The following NFE2L2 variants were observed in gnomAD, a reference collection of about 807,000 sequenced individuals.
The protein encoded by NFE2L2 is nuclear factor erythroid 2-related factor 2.
In NFE2L2, 20 loss-of-function variants were observed where a neutral mutation model predicts 49.6. The observed-to-expected ratio is 0.40, with a 90% confidence interval of 0.28 to 0.59. NFE2L2 has a LOEUF of 0.59. Ranked by LOEUF, NFE2L2 falls within the 20% of genes least tolerant of loss-of-function variation. The pLI, the probability that NFE2L2 is intolerant of heterozygous loss-of-function variation, is 0.40. For missense variants in NFE2L2, 578 were observed against 714.2 expected (o/e 0.81, Z 2.17); for synonymous variants, 244 against 256.5 (o/e 0.95, Z 0.47).
At chr2:177,245,824 G>A (rs1443928496) in intron 1 of NFE2L2, among the ~76,000 whole-genome samples, 2 of 152,086 alleles carry the variant, frequency 1.3e-5, no homozygotes, top group Admixed American at 1.3e-4. Flanking sequence ...TGGCCAAGCT[G>A]GTCTCGAACT....
chr2:177,246,110 C>T (rs1690116805), intron 1 of NFE2L2, among the ~76,000 whole-genome samples: 1 of 152,184 alleles, frequency 6.6e-6, no homozygotes, highest in Admixed American at 6.5e-5. Flanking sequence ...GTGCCTTCTC[C>T]CAAGGCAGGA....
chr2:177,239,949 TAAAAAAAAA>T (rs57941264), intron 1 of NFE2L2, among the ~76,000 whole-genome samples: 2 of 135,428 alleles, frequency 1.5e-5, no homozygotes, highest in Non-Finnish European at 1.6e-5. Flanking sequence ...AGCTTTATGT[TAAAAAAAAA>T]AAAAAAAAAA....
chr2:177,241,989 C>T (rs770675919), intron 1 of NFE2L2, among the ~76,000 whole-genome samples: 2 of 152,220 alleles, frequency 1.3e-5, no homozygotes, highest in Non-Finnish European at 2.9e-5. Flanking sequence ...AATTACATTT[C>T]ATAGATATGT....
At chr2:177,258,691 G>A (rs1187699485) in intron 1 of NFE2L2, among the ~76,000 whole-genome samples, 1 of 152,062 alleles carries the variant, frequency 6.6e-6, no homozygotes, top group Non-Finnish European at 1.5e-5. Context: ...AGTAAGACAA[G>A]TATCAACAGA....
At chr2:177,264,430 G>A in intron 1 of NFE2L2, 102 bp downstream of exon 1, 2 of 1,266,208 alleles carry the variant, frequency 1.6e-6, no homozygotes, top group South Asian at 2.8e-5. Context: ...CTGGCCAGAC[G>A]TGGGGGAAGC....
Position 177,231,148 on chromosome 2 carries a change from C to T in NFE2L2, c.1455G>A (p.Met485Ile). 1.2e-6 allele frequency: 2 copies of T among 1,614,124 alleles called. No homozygotes were observed. Among genetic ancestry groups the T allele is most frequent in the Non-Finnish European group, 1.7e-6 (2 of 1,180,010 alleles). ...GAGCTTCATTGAACTGCTCTTTGGA[C>T]ATCATTTCGTTGAAGTCAACAACAG... The part of the protein sequence containing the change: ...NLPVVDFNEM[M>I]SKEQFNEAQL... The change falls in exon 5 of 5, where the codon ATG becomes ATA. Residue 485 changes from methionine (M) to isoleucine (I), a missense_variant. Met to Ile is a conservative substitution (Grantham distance 10). Transcript: ENST00000397062.
rs185180616 is a variant in NFE2L2, at chr2:177,242,439, G to A, written c.46-8168C>T. 6.6e-5 allele frequency among the ~76,000 whole-genome samples: 10 copies of A among 152,262 alleles called. No individual in the cohort carries two copies. The South Asian group carries it at 1.0e-3, about 16-fold the overall frequency. ...AAAAAGCCCAAATACACACAAAGAC[G>A]TATTATTCAACAAGTTAAAACCCTA... On this transcript the variant is annotated intron_variant, in intron 1 of 4. Coordinates refer to ENST00000397062, the MANE Select transcript of NFE2L2 (RefSeq NM_006164.5).
rs1558979850 is a variant in NFE2L2, at chr2:177,232,467, G to GGTA, written c.518_519insTAC (p.Ala173_Pro174insThr). Reference sequence around the variant, plus strand: ...GTTGCATACCGTCTAAATCAACAGGGGCTACCTGAGCAACAGAAGTTTCAG... The same window carrying GGTA: ...GTTGCATACCGTCTAAATCAACAGGGGTAGCTACCTGAGCAACAGAAGTTTCAG... On this transcript the variant is annotated inframe_insertion, in exon 4 of 5. Coordinates refer to ENST00000397062, the MANE Select transcript of NFE2L2 (RefSeq NM_006164.5). 2 of 1,613,992 alleles carry GGTA rather than the reference G, an allele frequency of 1.2e-6. No homozygotes were observed. The highest frequency in any genetic ancestry group is 8.5e-7 in the Non-Finnish European group (1 of 1,179,944).
intron 2 of NFE2L2, 163 bp downstream of exon 2, chr2:177,233,842 A>C: frequency 1.2e-6 from 1 of 831,008 alleles, no homozygotes; most frequent in South Asian, 1.8e-5. Flanking sequence ...TACTGAACTC[A>C]GGTTAGGTAC....
At chr2:177,234,850 A>G (rs1003463869) in intron 1 of NFE2L2, among the ~76,000 whole-genome samples, 1 of 151,946 alleles carries the variant, frequency 6.6e-6, no homozygotes, top group South Asian at 2.1e-4. Flanking sequence ...TGGCTTACCT[A>G]TATGCCTGTA....
At chr2:177,259,713 A>C (rs1690660207) in intron 1 of NFE2L2, among the ~76,000 whole-genome samples, 1 of 152,120 alleles carries the variant, frequency 6.6e-6, no homozygotes, top group Admixed American at 6.6e-5. Context: ...CAGGCGGATC[A>C]TGAGGTCAGG....
rs370418362 is a variant in NFE2L2 at position 177,264,719 on chromosome 2, T to C, written c.-143A>G. On this transcript the variant is annotated 5_prime_UTR_variant, in exon 1 of 5. Coordinates refer to ENST00000397062, the MANE Select transcript of NFE2L2 (RefSeq NM_006164.5). ...GCGGCTCCTCCGGGCTCCCCGGCACTCGGTAATCGGCTACACGCCGGCGGG... is the reference window on the plus strand; with the variant it reads ...GCGGCTCCTCCGGGCTCCCCGGCACCCGGTAATCGGCTACACGCCGGCGGG... 1.9e-5 allele frequency: 12 copies of C among 628,670 alleles called. No individual in the cohort carries two copies. The South Asian group carries it at 5.5e-4, about 29-fold the overall frequency. The allele number at this position is 628,670 out of a possible 1,614,324, so 38.9% of individuals were successfully genotyped here.
Position 177,264,587 on chromosome 2 carries a change from G to A in NFE2L2, c.-11C>T, listed in dbSNP as rs1301139725. On this transcript the variant is annotated 5_prime_UTR_variant, in exon 1 of 5. Coordinates refer to ENST00000397062, the MANE Select transcript of NFE2L2 (RefSeq NM_006164.5). ...CTCCAAGTCCATCATGATGAGCTGT[G>A]GACCGTGTGTTGGGGCTCCCCGACG... is the stretch of plus-strand genomic sequence containing the variant. 6.8e-7 allele frequency: 1 copy of A among 1,478,516 alleles called. No individual in the cohort carries two copies. The highest frequency in any genetic ancestry group is 1.5e-5 in the African/African-American group (1 of 68,472). The allele number at this position is 1,478,516 out of a possible 1,614,324, so 91.6% of individuals were successfully genotyped here.
intron 1 of NFE2L2, among the ~76,000 whole-genome samples, chr2:177,255,500 G>A (rs541268403): frequency 4.6e-5 from 7 of 152,312 alleles, no homozygotes; most frequent in Non-Finnish European, 8.8e-5. Context: ...GTGGGTTGGC[G>A]AGTGGGGGCA....
In NFE2L2 at chr2:177,231,390, G is replaced by C. The variant is rs761660117; in HGVS notation, c.1213C>G (p.Gln405Glu). ...TPVHSSGDMV[Q>E]PLSPSQGQST... ...TGCCCCTGAGATGGTGACAAGGGTTGTACCATATCCCCAGAAGAATGTACT... is the reference window on the plus strand; with the variant it reads ...TGCCCCTGAGATGGTGACAAGGGTTCTACCATATCCCCAGAAGAATGTACT... The change falls in exon 5 of 5, where the codon CAA (glutamine) becomes GAA (glutamate). Residue 405 changes from glutamine (Q) to glutamate (E), a missense_variant. Physicochemically the swap from Gln to Glu is conservative, Grantham distance 29. Around this residue, in one of 3 missense-constraint regions of NFE2L2, gnomAD observed 368 missense variants for 384.6 expected, o/e 0.96. Transcript: ENST00000397062. The C allele has an allele frequency of 3.7e-6, 6 of 1,614,246 alleles. No homozygotes were observed. In the East Asian group the frequency reaches 1.3e-4, roughly 36 times the overall value.
rs1689622622 is a variant in NFE2L2 at position 177,233,232 on chromosome 2, G to C, written c.402+18C>G. 6.4e-7 allele frequency: 1 copy of C among 1,565,470 alleles called. No homozygotes were observed. Among genetic ancestry groups the C allele is most frequent in the East Asian group, 2.3e-5 (1 of 43,006 alleles). ...TATGATGGAGTTTTTCTATTAACCA[G>C]GTTATTTTATACCTCACCTCATTGT... On this transcript the variant is annotated intron_variant, in intron 3 of 4. Coordinates refer to ENST00000397062, the MANE Select transcript of NFE2L2 (RefSeq NM_006164.5).
chr2:177,248,908 A>G (rs1690232089), intron 1 of NFE2L2, among the ~76,000 whole-genome samples: 3 of 152,060 alleles, frequency 2.0e-5, no homozygotes, highest in Non-Finnish European at 4.4e-5. Context: ...CTGGCTCAAA[A>G]TTAGCGTGGG....
At chr2:177,260,702 C>G (rs1041039288) in intron 1 of NFE2L2, among the ~76,000 whole-genome samples, 1 of 152,004 alleles carries the variant, frequency 6.6e-6, no homozygotes, top group Non-Finnish European at 1.5e-5. Flanking sequence ...TTTTTGAGCA[C>G]TACTTCAAAA....
Position 177,264,550 on chromosome 2 carries a change from C to G in NFE2L2, c.27G>C (p.Pro9=), listed in dbSNP as rs775309452. Residue 9 remains proline, a synonymous_variant, in exon 1 of 5, where the codon CCG becomes CCC. Transcript: ENST00000397062. MMDLELPP[P]GLPSQQDMDL... The stretch of plus-strand genomic sequence containing the variant: ...GCAGCACCTGCTGGGACGGGAGTCC[C>G]GGCGGCGGCAGCTCCAAGTCCATCA... 21 of 1,521,064 alleles carry G rather than the reference C, an allele frequency of 1.4e-5. No individual in the cohort carries two copies. The South Asian group carries it at 1.7e-4, about 12-fold the overall frequency. 94.2% of individuals were successfully genotyped at this position (1,521,064 alleles called of 1,614,324 possible). A position where few individuals can be genotyped will look rare whatever the true frequency, so the allele number is the denominator to read the frequency against.
Sources: gnomAD v4.1 joint callset for allele counts (sites outside exome capture counted in the v4.1 genomes callset) on GRCh38, gnomAD v4.1.1 for gene constraint, gnomAD v4.1.1 regional missense constraint, MANE v1.5 for transcripts, NCBI Gene and HGNC (gene_info 2026-07-23, HGNC 2026-07-21) for gene names.